DNAJB14: variants seen among roughly 807,000 people sequenced by gnomAD.
DNAJB14 encodes dnaJ homolog subfamily B member 14.
A neutral mutation model predicts 48.4 loss-of-function variants in DNAJB14; 22 were observed. That is an observed-to-expected ratio of 0.45 (90% CI 0.32 to 0.65). DNAJB14 has a LOEUF of 0.65. DNAJB14 is among the 30% of genes least tolerant of loss of function. The pLI, the probability that DNAJB14 is intolerant of heterozygous loss-of-function variation, is 0.03. For synonymous variants in DNAJB14, 142 were observed against 158.7 expected, an observed-to-expected ratio of 0.89 and a Z score of 0.79; for missense variants, 319 against 458.8, an observed-to-expected ratio of 0.70 and a Z score of 2.78.
intron 3 of DNAJB14, among the ~76,000 whole-genome samples, chr4:99,914,953 G>C (rs1725797320): frequency 6.6e-6 from 1 of 151,892 alleles, no homozygotes. Context: ...TTTTTTCAGA[G>C]AACCAGCTCT....
intron 3 of DNAJB14, among the ~76,000 whole-genome samples, chr4:99,916,053 A>G (rs1725843859): frequency 6.6e-6 from 1 of 151,372 alleles, no homozygotes; most frequent in African/African-American, 2.5e-5. Context: ...TCTTTTGATT[A>G]ATATTTACAT....
chr4:99,931,816 A>G (rs893049405), intron 1 of DNAJB14, among the ~76,000 whole-genome samples: 1 of 152,026 alleles, frequency 6.6e-6, no homozygotes, highest in African/African-American at 2.4e-5. Context: ...AACTAAAAAA[A>G]TCATAAATGG....
intron 3 of DNAJB14, among the ~76,000 whole-genome samples, chr4:99,909,750 A>G (rs1451357369): frequency 6.6e-6 from 1 of 152,006 alleles, no homozygotes; most frequent in East Asian, 1.9e-4. Flanking sequence ...GAGTAAAAGT[A>G]GGTAAGCAAA....
At chr4:99,909,898 C>T (rs892328884) in intron 3 of DNAJB14, among the ~76,000 whole-genome samples, 1 of 151,986 alleles carries the variant, frequency 6.6e-6, no homozygotes, top group African/African-American at 2.4e-5. Context: ...GAATCTAAAA[C>T]TAAGAACTAT....
chr4:99,924,538 A>C, intron 2 of DNAJB14: 1 of 462,322 alleles, frequency 2.2e-6, no homozygotes, highest in Non-Finnish European at 3.6e-6. Flanking sequence ...TAAAAACATT[A>C]ACATACATCA....
chr4:99,912,136 T>C (rs1725685440), intron 3 of DNAJB14, among the ~76,000 whole-genome samples: 1 of 152,250 alleles, frequency 6.6e-6, no homozygotes, highest in South Asian at 2.1e-4. Context: ...AAGGCTATCT[T>C]TCCTCCATCG....
chr4:99,906,431 C>T, intron 5 of DNAJB14, 86 bp downstream of exon 5: 2 of 1,297,824 alleles, frequency 1.5e-6, no homozygotes, highest in South Asian at 2.5e-5. Flanking sequence ...TTATTTCCTA[C>T]AACTACTTGC....
chr4:99,938,185 G>T (rs866841891), intron 1 of DNAJB14, among the ~76,000 whole-genome samples: 4 of 143,124 alleles, frequency 2.8e-5, no homozygotes, highest in Non-Finnish European at 4.5e-5. Flanking sequence ...CTGGAGAATC[G>T]CTTGAACCCA....
At chr4:99,930,240 C>T (rs1284748554) in intron 2 of DNAJB14, 3 of 384,904 alleles carry the variant, frequency 7.8e-6, no homozygotes, top group African/African-American at 6.2e-5. Flanking sequence ...AGCTTTGTAA[C>T]TTGAGGTTAC....
At chr4:99,934,765 C>G (rs2110219374) in intron 1 of DNAJB14, among the ~76,000 whole-genome samples, 1 of 115,484 alleles carries the variant, frequency 8.7e-6, no homozygotes. Context: ...GCACTCCAGC[C>G]TGGGTGACAG....
At chr4:99,904,498 G>A (rs1275659108) in intron 6 of DNAJB14, among the ~76,000 whole-genome samples, 1 of 151,958 alleles carries the variant, frequency 6.6e-6, no homozygotes, top group Non-Finnish European at 1.5e-5. Context: ...TGTGAATAGG[G>A]TATATATAAA....
At position 99,903,944 on chromosome 4, in the gene DNAJB14, A is replaced by G. The variant is rs77316947; in HGVS notation, c.843-46T>C. ...TATTTTAATTAAAATTGGACATTCC[A>G]ATATGCTGCTATAAACCAAGCAAAC... On this transcript the variant is annotated intron_variant, in intron 6 of 7. Transcript: ENST00000442697. The G allele has an allele frequency of 7.0e-4, 1,084 of 1,559,400 alleles. 14 individuals are homozygous for G. In the East Asian group the frequency reaches 0.02, roughly 29 times the overall value.
At chr4:99,909,800 T>C (rs1725596532) in intron 3 of DNAJB14, among the ~76,000 whole-genome samples, 1 of 151,918 alleles carries the variant, frequency 6.6e-6, no homozygotes. Flanking sequence ...TAAAAACTAA[T>C]GTCATGCTGA....
intron 4 of DNAJB14, among the ~76,000 whole-genome samples, 185 bp downstream of exon 4, chr4:99,908,526 A>G (rs1002579189): frequency 5.3e-5 from 8 of 152,140 alleles, no homozygotes; most frequent in Non-Finnish European, 1.2e-4. Context: ...GTTCTAGGAA[A>G]AAGGCAGGCT....
chr4:99,897,163 C>T lies in DNAJB14; in HGVS notation c.*3865G>A, dbSNP rs1316179938. On this transcript the variant is annotated 3_prime_UTR_variant, in exon 8 of 8. Transcript: ENST00000442697. Reference sequence around the variant, plus strand: ...CATAGTGTGGTATATATTAAACAATCACACATTTGAGGTAATTAGCTGGGA... The same window carrying T: ...CATAGTGTGGTATATATTAAACAATTACACATTTGAGGTAATTAGCTGGGA... The T allele has an allele frequency of 1.4e-5, 2 of 144,960 alleles. No homozygotes were observed. Among genetic ancestry groups the T allele is most frequent in the Non-Finnish European group, 3.0e-5 (2 of 66,716 alleles). The allele number at this position is 144,960 out of a possible 1,614,324, so 9.0% of individuals were successfully genotyped here. A position where few individuals can be genotyped will look rare whatever the true frequency, so the allele number is the denominator to read the frequency against.
chr4:99,905,857 C>T (rs1007772893), intron 5 of DNAJB14, 151 bp from the exon 6 acceptor site: 1 of 1,259,166 alleles, frequency 7.9e-7, no homozygotes, highest in Non-Finnish European at 1.1e-6. Flanking sequence ...TAGGATGATT[C>T]TTAAATATAA....
intron 1 of DNAJB14, among the ~76,000 whole-genome samples, chr4:99,937,638 A>C (rs1726726791): frequency 6.6e-6 from 1 of 152,042 alleles, no homozygotes; most frequent in Non-Finnish European, 1.5e-5. Flanking sequence ...AGGTAGAAGA[A>C]TTACTTGAGC....
intron 1 of DNAJB14, among the ~76,000 whole-genome samples, chr4:99,934,264 A>C (rs1726586233): frequency 6.6e-6 from 1 of 152,218 alleles, no homozygotes; most frequent in African/African-American, 2.4e-5. Flanking sequence ...AAACAGAAGG[A>C]TCTCTACGTA....
chr4:99,900,977 C>T lies in DNAJB14; in HGVS notation c.*51G>A. The T allele has an allele frequency of 6.4e-7, 1 of 1,561,054 alleles. No individual in the cohort carries two copies. The highest frequency in any genetic ancestry group is 8.6e-7 in the Non-Finnish European group (1 of 1,157,676). On this transcript the variant is annotated 3_prime_UTR_variant, in exon 8 of 8. Coordinates refer to ENST00000442697, the MANE Select transcript of DNAJB14 (RefSeq NM_001031723.4). ...ATCCCTCATGATGAAACCAAACTTA[C>T]TTACAGAAAAAATAAAGAGTACGCT... is the stretch of plus-strand genomic sequence containing the variant.
Sources: allele counts gnomAD v4.1 joint callset (sites outside exome capture counted in the v4.1 genomes callset), GRCh38; gene constraint gnomAD v4.1.1; transcripts MANE v1.5; gene names NCBI Gene and HGNC (gene_info 2026-07-23, HGNC 2026-07-21).